Variants in NRG3 observed in about 807,000 individuals in gnomAD.
The protein encoded by NRG3 is pro-neuregulin-3, membrane-bound isoform.
In NRG3, 31 loss-of-function variants were observed where a neutral mutation model predicts 66.9. That is an observed-to-expected ratio of 0.46 (90% confidence interval 0.35 to 0.63). The LOEUF (loss-of-function observed/expected upper bound fraction) is 0.63. Ranked by LOEUF, NRG3 falls within the 20% of genes least tolerant of loss-of-function variation. The probability of loss-of-function intolerance (pLI) is 0.00; values close to 1 mark genes in which losing one functional copy is unlikely to be tolerated. For missense variants in NRG3, 910 were observed against 878.9 expected, an observed-to-expected ratio of 1.04 and a Z score of -0.45; for synonymous variants, 393 against 359.4, an observed-to-expected ratio of 1.09 and a Z score of -1.06.
chr10:82,839,827 T>A (rs485907), intron 3 of NRG3, among the ~76,000 whole-genome samples: 93,690 of 151,866 alleles, frequency 0.62, 30,346 homozygotes, highest in African/African-American at 0.82. Flanking sequence ...TCAGTACTAA[T>A]TATATTAAAA....
chr10:82,408,106 A>G (rs1038421249), intron 2 of NRG3, among the ~76,000 whole-genome samples: 5 of 139,990 alleles, frequency 3.6e-5, no homozygotes, highest in African/African-American at 1.1e-4. Flanking sequence ...AAAGAAAGAA[A>G]GAAAGAAAGA....
intron 1 of NRG3, among the ~76,000 whole-genome samples, chr10:81,957,581 C>T (rs1341500323): frequency 6.6e-6 from 1 of 152,166 alleles, no homozygotes; most frequent in East Asian, 1.9e-4. Context: ...TTTGTAATAG[C>T]AGGGACCTGG....
chr10:82,083,254 G>A (rs2065500347), intron 1 of NRG3, among the ~76,000 whole-genome samples: 1 of 151,766 alleles, frequency 6.6e-6, no homozygotes, highest in Non-Finnish European at 1.5e-5. Flanking sequence ...TGTTTTGAGT[G>A]TTTATTTATG....
At chr10:81,962,548 A>G (rs969972069) in intron 1 of NRG3, among the ~76,000 whole-genome samples, 1 of 152,236 alleles carries the variant, frequency 6.6e-6, no homozygotes, top group Non-Finnish European at 1.5e-5. Flanking sequence ...CCCTAAACAT[A>G]GTAGCTGTCT....
intron 1 of NRG3, among the ~76,000 whole-genome samples, chr10:82,197,403 T>C (rs1465974970): frequency 1.3e-5 from 2 of 152,166 alleles, no homozygotes; most frequent in Admixed American, 1.3e-4. Context: ...GATTAGATGT[T>C]AGGCACACAA....
chr10:81,975,477 G>A (rs1258692722), intron 1 of NRG3, among the ~76,000 whole-genome samples: 2 of 152,056 alleles, frequency 1.3e-5, no homozygotes, highest in African/African-American at 2.4e-5. Context: ...GGGTTAGAGT[G>A]CAAGTAAATC....
At chr10:82,051,569 T>A (rs983902114) in intron 1 of NRG3, among the ~76,000 whole-genome samples, 2 of 152,196 alleles carry the variant, frequency 1.3e-5, no homozygotes, top group East Asian at 3.8e-4. Context: ...ACATTGTTTT[T>A]AAATCAGTGT....
chr10:82,213,383 T>A (rs1003850644), intron 1 of NRG3, among the ~76,000 whole-genome samples: 8 of 152,238 alleles, frequency 5.3e-5, no homozygotes, highest in Admixed American at 2.0e-4. Flanking sequence ...GTCAAAACTT[T>A]GTTTCATGCA....
chr10:82,414,590 A>T (rs558201215), intron 2 of NRG3, among the ~76,000 whole-genome samples: 1 of 152,284 alleles, frequency 6.6e-6, no homozygotes, highest in East Asian at 1.9e-4. Flanking sequence ...ATTTGTAAAA[A>T]ACTCAGTATC....
At chr10:82,946,537 CAA>C (rs781235674) in intron 4 of NRG3, among the ~76,000 whole-genome samples, 2 of 129,998 alleles carry the variant, frequency 1.5e-5, no homozygotes, top group Admixed American at 1.6e-4. Context: ...GACTCTGCCT[CAA>C]AAAAAAAAAG....
At chr10:82,452,948 G>A (rs2091087993) in intron 2 of NRG3, among the ~76,000 whole-genome samples, 1 of 152,130 alleles carries the variant, frequency 6.6e-6, no homozygotes, top group Admixed American at 6.5e-5. Context: ...ATCCCACTTA[G>A]ATGCAAGGGG....
chr10:82,042,154 A>G (rs1019124689), intron 1 of NRG3, among the ~76,000 whole-genome samples: 1 of 151,986 alleles, frequency 6.6e-6, no homozygotes, highest in African/African-American at 2.4e-5. Flanking sequence ...GAATATACTG[A>G]TTTTGAACAC....
At chr10:82,371,710 T>C (rs1459515569) in intron 2 of NRG3, among the ~76,000 whole-genome samples, 1 of 152,150 alleles carries the variant, frequency 6.6e-6, no homozygotes, top group Non-Finnish European at 1.5e-5. Context: ...GGTTCATGAT[T>C]GGGCATCTGC....
At chr10:82,677,129 A>G (rs1238266243) in intron 2 of NRG3, among the ~76,000 whole-genome samples, 1 of 146,156 alleles carries the variant, frequency 6.8e-6, no homozygotes, top group Non-Finnish European at 1.5e-5. Flanking sequence ...GCATGATCTC[A>G]GTTCACTACA....
Position 82,358,812 on chromosome 10 carries a change from CAAT to C in NRG3, c.898_900del (p.Asn300del), listed in dbSNP as rs2083941195. On this transcript the variant is annotated inframe_deletion, in exon 2 of 9. Coordinates refer to ENST00000372141, the MANE Select transcript of NRG3 (RefSeq NM_001010848.4). ...GAGACAAGGACCTTGCATACTGTCTCAATGATGGCGAGTGCTTTGTGATCGAAA... is the reference window on the plus strand; with the variant it reads ...GAGACAAGGACCTTGCATACTGTCTCGATGGCGAGTGCTTTGTGATCGAAA... 3.7e-6 allele frequency: 6 copies of C among 1,614,176 alleles called. No individual in the cohort carries two copies. Among genetic ancestry groups the C allele is most frequent in the Non-Finnish European group, 4.2e-6 (5 of 1,180,050 alleles).
intron 1 of NRG3, among the ~76,000 whole-genome samples, chr10:82,041,689 A>G (rs911512135): frequency 3.3e-5 from 5 of 151,956 alleles, no homozygotes; most frequent in African/African-American, 1.2e-4. Context: ...GTAGACCAGG[A>G]GGTGTATGAC....
chr10:82,764,261 G>A (rs1020883357), intron 3 of NRG3, among the ~76,000 whole-genome samples: 10 of 151,882 alleles, frequency 6.6e-5, no homozygotes, highest in South Asian at 2.1e-4. Context: ...TCTCGAACTC[G>A]TAGCCTCAAG....
At chr10:82,258,055 C>T (rs2077825823) in intron 1 of NRG3, among the ~76,000 whole-genome samples, 2 of 152,302 alleles carry the variant, frequency 1.3e-5, no homozygotes, top group South Asian at 2.1e-4. Context: ...AACACACATC[C>T]TTTAACAGAG....
intron 2 of NRG3, among the ~76,000 whole-genome samples, chr10:82,401,273 A>G (rs1187205306): frequency 6.6e-6 from 1 of 152,140 alleles, no homozygotes; most frequent in Non-Finnish European, 1.5e-5. Context: ...TGCAATATAA[A>G]TCTATAATAT....
Sources: gnomAD v4.1 joint callset for allele counts (sites outside exome capture counted in the v4.1 genomes callset) on GRCh38, gnomAD v4.1.1 for gene constraint, MANE v1.5 for transcripts, NCBI Gene and HGNC (gene_info 2026-07-23, HGNC 2026-07-21) for gene names.